BRCA1: variants seen among roughly 807,000 people sequenced by gnomAD.
BRCA1 encodes the protein breast cancer type 1 susceptibility protein.
BRCA1 carries 140 observed loss-of-function variants against 173.7 expected under a neutral mutation model. The observed-to-expected ratio is 0.81, with a 90% confidence interval of 0.70 to 0.93. The LOEUF (loss-of-function observed/expected upper bound fraction) is 0.93. BRCA1 is among the 40% of genes least tolerant of loss of function. The pLI, the probability that BRCA1 is intolerant of heterozygous loss-of-function variation, is 0.00. For synonymous variants in BRCA1, 662 were observed against 756.0 expected (o/e 0.88, Z 2.04); for missense variants, 1,983 against 2,172.5 (o/e 0.91, Z 1.73).
chr17:43,152,580 C>T (rs911344685), intron 1 of BRCA1, among the ~76,000 whole-genome samples: 1 of 150,958 alleles, frequency 6.6e-6, no homozygotes, highest in Non-Finnish European at 1.5e-5. Flanking sequence ...ATTGGCTGGG[C>T]GTGGTGGCTC....
chr17:43,087,038 A>G (rs959770928), intron 11 of BRCA1, among the ~76,000 whole-genome samples: 2 of 152,234 alleles, frequency 1.3e-5, no homozygotes, highest in Non-Finnish European at 2.9e-5. Context: ...TTAAAACTGG[A>G]TATCACCCAG....
intron 14 of BRCA1, among the ~76,000 whole-genome samples, chr17:43,073,742 A>G (rs1406386028): frequency 6.6e-6 from 1 of 151,278 alleles, no homozygotes; most frequent in Non-Finnish European, 1.5e-5. Flanking sequence ...AATAAAATAT[A>G]TGTGTGTATA....
At position 43,092,340 on chromosome 17, in the gene BRCA1, C is replaced by T. The variant is rs2154337756; in HGVS notation, c.3191G>A (p.Ser1064Asn). 6.2e-7 allele frequency: 1 copy of T among 1,613,924 alleles called. No homozygotes were observed. Among genetic ancestry groups the T allele is most frequent in the South Asian group, 1.1e-5 (1 of 91,084 alleles). Residue 1064 changes from serine to asparagine, a missense_variant, in exon 10 of 23, where the codon AGT becomes AAT. Ser to Asn is a conservative substitution (Grantham distance 46). Transcript: ENST00000357654. ...VGSSINEIGS[S>N]DENIQAELGR... ...TAGTTCTGCTTGAATGTTTTCATCA[C>T]TGGAACCTATTTCATTAATACTGGA...
chr17:43,098,173 C>T (rs1336885835), intron 7 of BRCA1, among the ~76,000 whole-genome samples: 1 of 151,420 alleles, frequency 6.6e-6, no homozygotes, highest in East Asian at 1.9e-4. Flanking sequence ...TACAGATGCA[C>T]ACCACCACAC....
intron 5 of BRCA1, 87 bp downstream of exon 5, chr17:43,104,781 C>T (rs2054664170): frequency 1.6e-6 from 2 of 1,212,964 alleles, no homozygotes; most frequent in Non-Finnish European, 2.4e-6. Flanking sequence ...AAGGTCTTAT[C>T]ACCACGTCAT....
intron 7 of BRCA1, among the ~76,000 whole-genome samples, chr17:43,098,362 AATT>A (rs111480954): frequency 1.3e-5 from 2 of 151,688 alleles, no homozygotes; most frequent in African/African-American, 4.8e-5. Context: ...TATTTTTAAA[AATT>A]ATTATTTTTT....
At chr17:43,056,398 C>A (rs1037702107) in intron 19 of BRCA1, among the ~76,000 whole-genome samples, 1 of 152,014 alleles carries the variant, frequency 6.6e-6, no homozygotes, top group Non-Finnish European at 1.5e-5. Flanking sequence ...AGGCTGGTAT[C>A]GAACTCCTTG....
chr17:43,169,431 T>C (rs1392096113), intron 1 of BRCA1, among the ~76,000 whole-genome samples: 2 of 152,182 alleles, frequency 1.3e-5, no homozygotes, highest in Non-Finnish European at 1.5e-5. Flanking sequence ...CCTCCCAAAG[T>C]GCTAGGAATA....
At chr17:43,170,111 C>T in intron 1 of BRCA1, 1 of 305,302 alleles carries the variant, frequency 3.3e-6, no homozygotes, top group Non-Finnish European at 6.7e-6. Context: ...GGCTGCCGGA[C>T]GCGGTGCTAC....
intron 10 of BRCA1, 99 bp downstream of exon 10, chr17:43,091,336 T>C (rs1320360987): frequency 6.8e-7 from 1 of 1,480,282 alleles, no homozygotes; most frequent in South Asian, 1.1e-5. Flanking sequence ...TTCCTTTAAC[T>C]ATACTTGGAA....
upstream of BRCA1, among the ~76,000 whole-genome samples, chr17:43,129,534 A>G (rs2055947450): frequency 6.6e-6 from 1 of 152,052 alleles, no homozygotes; most frequent in Admixed American, 6.5e-5. Flanking sequence ...CAGTGGCACG[A>G]TCGCGGCTAG....
intron 3 of BRCA1, among the ~76,000 whole-genome samples, chr17:43,111,197 T>A (rs1049194037): frequency 1.3e-5 from 2 of 152,056 alleles, no homozygotes; most frequent in African/African-American, 4.8e-5. Flanking sequence ...AGATTGGTAT[T>A]ATTATCTTTT....
At chr17:43,135,641 T>C (rs1162838561) in intron 1 of BRCA1, among the ~76,000 whole-genome samples, 1 of 152,144 alleles carries the variant, frequency 6.6e-6, no homozygotes, top group Non-Finnish European at 1.5e-5. Context: ...GAACAGTCCA[T>C]AGGGCGGCGC....
At chr17:43,049,060 A>G (rs2051065094) in intron 21 of BRCA1, 61 bp downstream of exon 21, 3 of 1,519,530 alleles carry the variant, frequency 2.0e-6, no homozygotes, top group East Asian at 2.3e-5. Context: ...GACAGGTGCC[A>G]GTCTTGCTCA....
At chr17:43,088,528 A>G (rs2053318395) in intron 11 of BRCA1, among the ~76,000 whole-genome samples, 1 of 152,218 alleles carries the variant, frequency 6.6e-6, no homozygotes, top group African/African-American at 2.4e-5. Flanking sequence ...AATGTCTTCA[A>G]GGTTCGTCCA....
chr17:43,085,368 A>G (rs2053190343), intron 11 of BRCA1, among the ~76,000 whole-genome samples: 1 of 152,264 alleles, frequency 6.6e-6, no homozygotes, highest in South Asian at 2.1e-4. Flanking sequence ...TCAAAAAAAA[A>G]AAGAAAAGAA....
intron 11 of BRCA1, among the ~76,000 whole-genome samples, chr17:43,090,101 G>C (rs1215580502): frequency 6.6e-6 from 1 of 151,806 alleles, no homozygotes; most frequent in Non-Finnish European, 1.5e-5. Context: ...TGAAAGGCTA[G>C]ATGGTCTCTA....
chr17:43,055,498 A>C (rs1332407845), intron 19 of BRCA1, among the ~76,000 whole-genome samples: 5 of 148,204 alleles, frequency 3.4e-5, no homozygotes, highest in African/African-American at 1.3e-4. Flanking sequence ...AAATATAAAA[A>C]TTAAGGCCGG....
intron 11 of BRCA1, among the ~76,000 whole-genome samples, chr17:43,083,824 T>C (rs2053122057): frequency 6.6e-6 from 1 of 152,178 alleles, no homozygotes; most frequent in Non-Finnish European, 1.5e-5. Flanking sequence ...AATTTAGGTA[T>C]GTAAGGAGTT....
Sources: allele counts gnomAD v4.1 joint callset (sites outside exome capture counted in the v4.1 genomes callset), GRCh38; gene constraint gnomAD v4.1.1; transcripts MANE v1.5; gene names NCBI Gene and HGNC (gene_info 2026-07-23, HGNC 2026-07-21).